Variants in WNK2 observed in about 807,000 individuals in gnomAD.
WNK2 encodes WNK lysine deficient protein kinase 2.
WNK2 carries 67 observed loss-of-function variants against 192.1 expected under a neutral mutation model. The observed-to-expected ratio is 0.35, with a 90% CI of 0.29 to 0.43. The LOEUF is 0.43. Ranked by LOEUF, WNK2 falls within the 20% of genes least tolerant of loss-of-function variation. The pLI is 1.00. For missense variants in WNK2, 2,698 were observed against 3,089.7 expected (o/e 0.87, Z 3.01); for synonymous variants, 1,439 against 1,393.9 (o/e 1.03, Z -0.72).
chr9:93,288,552 A>G (rs1848798466), intron 19 of WNK2, among the ~76,000 whole-genome samples: 1 of 152,198 alleles, frequency 6.6e-6, no homozygotes, highest in Non-Finnish European at 1.5e-5. Context: ...CTATGGGAAC[A>G]GGGACCTGGA....
chr9:93,262,606 C>A, intron 13 of WNK2, 64 bp from the exon 14 acceptor site: 1 of 1,570,026 alleles, frequency 6.4e-7, no homozygotes, highest in Non-Finnish European at 8.7e-7. Context: ...CTATGCGTGG[C>A]TGTGCCCACA....
At chr9:93,268,969 A>T in intron 19 of WNK2, 2 of 1,548,376 alleles carry the variant, frequency 1.3e-6, no homozygotes, top group East Asian at 2.4e-5. Flanking sequence ...CTGCCCTGTT[A>T]CCCCACCAAG....
intron 19 of WNK2, among the ~76,000 whole-genome samples, chr9:93,283,223 A>G (rs1428920025): frequency 6.6e-6 from 1 of 152,232 alleles, no homozygotes; most frequent in Non-Finnish European, 1.5e-5. Context: ...GTCTGATAGT[A>G]ATAAAAGTAT....
intron 19 of WNK2, among the ~76,000 whole-genome samples, chr9:93,283,568 T>C (rs937929408): frequency 7.2e-5 from 11 of 152,086 alleles, no homozygotes; most frequent in African/African-American, 2.2e-4. Flanking sequence ...TAAGAAGAAA[T>C]AGAAAATCTG....
intron 9 of WNK2, among the ~76,000 whole-genome samples, chr9:93,255,594 C>T (rs1003442766): frequency 6.6e-6 from 1 of 152,156 alleles, no homozygotes; most frequent in Non-Finnish European, 1.5e-5. Context: ...GAGAACCCCA[C>T]GGGAGAGAAC....
intron 19 of WNK2, among the ~76,000 whole-genome samples, chr9:93,284,593 C>T (rs541073045): frequency 7.8e-6 from 1 of 128,334 alleles, no homozygotes; most frequent in African/African-American, 3.1e-5. Flanking sequence ...CTAGATATTG[C>T]AGGGGAGCGG....
Position 93,267,765 on chromosome 9 carries a change from T to A in WNK2, c.3716T>A (p.Leu1239Gln). 1 of 1,603,364 alleles carries A rather than the reference T, an allele frequency of 6.2e-7. No homozygotes were observed. Among genetic ancestry groups the A allele is most frequent in the Non-Finnish European group, 8.5e-7 (1 of 1,174,958 alleles). Residue 1239 changes from leucine (L) to glutamine (Q), a missense_variant, in exon 17 of 30, where the codon CTG becomes CAG. Leu to Gln is a moderately radical substitution (Grantham distance 113). Transcript: ENST00000427277. Reference sequence around the variant, plus strand: ...TTGCAGGTGGAGCATGACTTTATCCTGCAGGCCGAGCGGGAAACGTTCATC... The same window carrying A: ...TTGCAGGTGGAGCATGACTTTATCCAGCAGGCCGAGCGGGAAACGTTCATC... ...ATYMVEHDFI[L>Q]QAERETFIEQ...
chr9:93,244,817 G>A (rs1841406660), intron 7 of WNK2, among the ~76,000 whole-genome samples: 1 of 152,220 alleles, frequency 6.6e-6, no homozygotes. Flanking sequence ...TAGGGTTGGA[G>A]CCCGTTCTCT....
At chr9:93,191,309 G>T (rs908755472) in intron 2 of WNK2, among the ~76,000 whole-genome samples, 2 of 152,168 alleles carry the variant, frequency 1.3e-5, no homozygotes, top group East Asian at 1.9e-4. Context: ...GTTCCTGAAG[G>T]TTCCAGAGGC....
rs1452585661 is a variant in WNK2 at position 93,256,454 on chromosome 9, G to A, written c.2190G>A (p.Gln730=). ...GPGQPAPPGQ[Q]PPPLAQPTPL... Reference sequence around the variant, plus strand: ...GCCAGCCAGCACCCCCCGGCCAGCAGGTGAGTGTGGCACCTCCTGTGGCCA... The same window carrying A: ...GCCAGCCAGCACCCCCCGGCCAGCAAGTGAGTGTGGCACCTCCTGTGGCCA... The change falls in exon 10 of 30, where the codon CAG becomes CAA. Residue 730 remains glutamine, a splice_region_variant and synonymous_variant. Transcript: ENST00000427277. 2 of 1,523,556 alleles carry A rather than the reference G, an allele frequency of 1.3e-6. No homozygotes were observed. Among genetic ancestry groups the A allele is most frequent in the Non-Finnish European group, 1.8e-6 (2 of 1,139,552 alleles). The allele number at this position is 1,523,556 out of a possible 1,614,324, so 94.4% of individuals were successfully genotyped here.
rs1397313813 is a variant in WNK2 at position 93,229,646 on chromosome 9, C to A, written c.682-50C>A. The A allele has an allele frequency of 2.5e-6, 4 of 1,582,236 alleles. No individual in the cohort carries two copies. The South Asian group carries it at 3.4e-5, about 14-fold the overall frequency. On this transcript the variant is annotated intron_variant, in intron 2 of 29. Coordinates refer to ENST00000427277, the MANE Select transcript of WNK2 (RefSeq NM_006648.4). This position sits in a 1 kb window ranked among gnomAD's most constrained non-coding sequence, Gnocchi z 4.9. ...TGCTGGGATGTGACGCCACCGTGTC[C>A]CCTTCTGTGTCCCATCTCTTGCCCA...
At chr9:93,224,633 A>T (rs1025079540) in intron 2 of WNK2, among the ~76,000 whole-genome samples, 1 of 152,152 alleles carries the variant, frequency 6.6e-6, no homozygotes, top group Non-Finnish European at 1.5e-5. Flanking sequence ...AAGAGCTGGC[A>T]TTGTCCCAGA....
Position 93,205,573 on chromosome 9 carries a change from G to T in WNK2, c.681+19963G>T, listed in dbSNP as rs186554470. Among the ~76,000 whole-genome samples the T allele has an allele frequency of 9.4e-4, 143 of 152,284 alleles. No individual in the cohort carries two copies. In the East Asian group the frequency reaches 0.024, roughly 25 times the overall value. ...CTGTCCTTCGGCCCGCCCCGCGGCC[G>T]GCTGTCTGGAGCCTGGTCTCCATAG... On this transcript the variant is annotated intron_variant, in intron 2 of 29. Transcript: ENST00000427277.
chr9:93,301,859 A>G (rs571318033), intron 26 of WNK2, among the ~76,000 whole-genome samples: 112 of 152,310 alleles, frequency 7.4e-4, no homozygotes, highest in Middle Eastern at 3.4e-3. Flanking sequence ...AGCCCCCATC[A>G]GGCAAGTCTT....
chr9:93,298,119 G>A, intron 24 of WNK2, 52 bp downstream of exon 24: 1 of 1,536,098 alleles, frequency 6.5e-7, no homozygotes, highest in Non-Finnish European at 8.8e-7. Flanking sequence ...GGACCCCCGA[G>A]TGAGCCTGGG....
chr9:93,194,310 C>G (rs557199271), intron 2 of WNK2, among the ~76,000 whole-genome samples: 1 of 152,140 alleles, frequency 6.6e-6, no homozygotes. Context: ...TTGCAAATGA[C>G]CCATCTGCTT....
chr9:93,259,271 G>C lies in WNK2; in HGVS notation c.2723G>C (p.Gly908Ala), dbSNP rs112172724. 5,959 of 1,613,508 alleles carry C rather than the reference G, an allele frequency of 3.7e-3. 188 individuals carry two copies. The African/African-American group carries it at 0.069, about 19-fold the overall frequency. ...SIHSAVAQLP[G>A]QPVYPAAFPQ... ...CATTCTGCCGTGGCCCAGCTCCCAG[G>C]CCAACCTGTGTACCCAGCGGCCTTC... The change falls in exon 12 of 30, where the codon GGC becomes GCC. Residue 908 changes from glycine (G) to alanine (A), a missense_variant. Physicochemically the swap from Gly to Ala is moderately conservative, Grantham distance 60 (BLOSUM62 0). Coordinates refer to ENST00000427277, the MANE Select transcript of WNK2 (RefSeq NM_006648.4). The surrounding 1 kb of genome is among the most constrained non-coding windows in gnomAD (Gnocchi z 4.8).
chr9:93,261,384 G>A lies in WNK2; in HGVS notation c.3067-430G>A, dbSNP rs537735297. On this transcript the variant is annotated intron_variant, in intron 12 of 29. Coordinates refer to ENST00000427277, the MANE Select transcript of WNK2 (RefSeq NM_006648.4). ...ACAGTGAGAAAGCCAAGCCTAAGCCGCAGTCGCCCTCCAGGAGGCGGCAGG... is the reference window on the plus strand; with the variant it reads ...ACAGTGAGAAAGCCAAGCCTAAGCCACAGTCGCCCTCCAGGAGGCGGCAGG... Among the ~76,000 whole-genome samples, 13 of 152,336 alleles carry A rather than the reference G, an allele frequency of 8.5e-5. No individual in the cohort carries two copies. The South Asian group carries it at 2.3e-3, about 27-fold the overall frequency.
At chr9:93,315,376 C>A (rs925484722) in intron 28 of WNK2, 1 of 152,252 alleles carries the variant, frequency 6.6e-6, no homozygotes, top group Non-Finnish European at 1.5e-5. Flanking sequence ...ACGGCTCAGA[C>A]CAGATGAGTG....
Sources: allele counts gnomAD v4.1 joint callset (sites outside exome capture counted in the v4.1 genomes callset), GRCh38; gene constraint gnomAD v4.1.1; non-coding constraint Gnocchi (gnomAD v3.1); transcripts MANE v1.5; gene names NCBI Gene and HGNC (gene_info 2026-07-23, HGNC 2026-07-21).